MKRN2OS: variants seen among roughly 807,000 people sequenced by gnomAD.
MKRN2OS encodes MKRN2 opposite strand protein.
Under a neutral mutation model 18.2 loss-of-function variants are expected in MKRN2OS, and 17 were observed. That is an observed-to-expected ratio of 0.93 (90% confidence interval 0.64 to 1.40). MKRN2OS has a LOEUF of 1.40. Among genes scored for constraint, MKRN2OS ranks in the 40% most tolerant of loss-of-function variants. The pLI is 0.00. For synonymous variants in MKRN2OS, 121 were observed against 108.5 expected, an observed-to-expected ratio of 1.12 and a Z score of -0.72; for missense variants, 337 against 283.0, an observed-to-expected ratio of 1.19 and a Z score of -1.37.
chr3:12,558,692 C>T (rs965657675), intron 1 of MKRN2OS, among the ~76,000 whole-genome samples: 7 of 152,094 alleles, frequency 4.6e-5, no homozygotes, highest in African/African-American at 1.7e-4. Context: ...TGGTTTTTTC[C>T]TTGTATACCT....
downstream of MKRN2OS, among the ~76,000 whole-genome samples, chr3:12,552,169 A>C (rs565804285): frequency 4.0e-4 from 60 of 151,620 alleles, no homozygotes; most frequent in African/African-American, 1.4e-3. Flanking sequence ...AATACAAAAA[A>C]TTAGCTGGGC....
At chr3:12,559,707 A>G (rs919559763) in intron 1 of MKRN2OS, among the ~76,000 whole-genome samples, 2 of 152,134 alleles carry the variant, frequency 1.3e-5, no homozygotes, top group Admixed American at 1.3e-4. Flanking sequence ...ATTCCTTGAC[A>G]TGCCGCTCTA....
chr3:12,543,807 G>A lies in MKRN2OS; in HGVS notation c.219-578C>T, dbSNP rs564585038. ...CTCGGATGACTGAGACACGAGAATC[G>A]CTTGAACCTGGGAGGCGGAGGTGGC... On this transcript the variant is annotated intron_variant, in intron 1 of 3. Coordinates refer to ENST00000564146, the MANE Select transcript of MKRN2OS (RefSeq NM_001195279.2). Among the ~76,000 whole-genome samples, 5 of 151,132 alleles carry A rather than the reference G, an allele frequency of 3.3e-5. No homozygotes were observed. The East Asian group carries it at 5.9e-4, about 18-fold the overall frequency.
At chr3:12,543,275 C>CATG in intron 1 of MKRN2OS, 46 bp from the exon 2 acceptor site, 1 of 1,484,744 alleles carries the variant, frequency 6.7e-7, no homozygotes. Flanking sequence ...ATGTATTTGG[C>CATG]ATGAAGAATT....
intron 1 of MKRN2OS, among the ~76,000 whole-genome samples, chr3:12,555,122 C>T (rs1010476458): frequency 6.6e-6 from 1 of 152,066 alleles, no homozygotes; most frequent in African/African-American, 2.4e-5. Flanking sequence ...CCAGCCTGGG[C>T]AACAGGGTGA....
upstream of MKRN2OS, among the ~76,000 whole-genome samples, chr3:12,546,028 T>C (rs2057879649): frequency 6.6e-6 from 1 of 152,006 alleles, no homozygotes; most frequent in Admixed American, 6.6e-5. Flanking sequence ...AGGCTGGACT[T>C]GAAGAGGCCT....
rs1394277732 is a variant in MKRN2OS at position 12,543,247 on chromosome 3, T to G, written c.219-18A>C. 1 of 1,523,952 alleles carries G rather than the reference T, an allele frequency of 6.6e-7. No homozygotes were observed. The highest frequency in any genetic ancestry group is 2.1e-5 in the Admixed American group (1 of 48,422). 94.4% of individuals were successfully genotyped at this position (1,523,952 alleles called of 1,614,324 possible). On this transcript the variant is annotated intron_variant, in intron 1 of 3. Transcript: ENST00000564146. ...CATACTCTCTGAAAGAAACAAGGTT[T>G]GTTTTTTTTTGGTTTGCATGTATTT... is the stretch of plus-strand genomic sequence containing the variant.
intron 1 of MKRN2OS, 137 bp from the exon 2 acceptor site, chr3:12,543,366 C>A: frequency 1.6e-6 from 1 of 642,958 alleles, no homozygotes; most frequent in South Asian, 2.0e-5. Context: ...GCGGGCAGAT[C>A]ACTTGAGGCC....
chr3:12,550,690 G>A (rs868483583), downstream of MKRN2OS, among the ~76,000 whole-genome samples: 1 of 152,118 alleles, frequency 6.6e-6, no homozygotes, highest in Admixed American at 6.6e-5. Context: ...ACTTGCCTCA[G>A]TCTCTTTTTC....
upstream of MKRN2OS, among the ~76,000 whole-genome samples, chr3:12,548,502 G>A (rs2057905034): frequency 7.0e-6 from 1 of 143,700 alleles, no homozygotes; most frequent in African/African-American, 2.5e-5. Flanking sequence ...CGTGGTGGCA[G>A]ACATCTGTAG....
At chr3:12,543,649 G>T (rs988636031) in intron 1 of MKRN2OS, among the ~76,000 whole-genome samples, 1 of 152,076 alleles carries the variant, frequency 6.6e-6, no homozygotes, top group Non-Finnish European at 1.5e-5. Context: ...ACTTTGGGAG[G>T]CTGAGGTGGG....
In MKRN2OS at chr3:12,545,296, G is replaced by T; in HGVS notation, c.169C>A (p.Gln57Lys). 3.9e-6 allele frequency: 6 copies of T among 1,535,966 alleles called. No homozygotes were observed. The highest frequency in any genetic ancestry group is 4.4e-6 in the Non-Finnish European group (5 of 1,146,808). Residue 57 changes from glutamine (Q) to lysine (K), a missense_variant, in exon 1 of 4, where the codon CAA (glutamine) becomes AAA (lysine). Physicochemically the swap from Gln to Lys is moderately conservative, Grantham distance 53. Transcript: ENST00000564146. Reference protein sequence around the residue: ...SIANPFTNGHQEKCSFLLRPT... With the variant: ...SIANPFTNGHKEKCSFLLRPT... ...CTGAGGAGGAATGAACATTTTTCTT[G>T]ATGTCCATTAGTAAATGGATTAGCG...
chr3:12,550,640 G>A (rs1448152555), downstream of MKRN2OS, among the ~76,000 whole-genome samples: 1 of 152,056 alleles, frequency 6.6e-6, no homozygotes, highest in Admixed American at 6.6e-5. Context: ...TTTCATTCCT[G>A]CTCTGAAGCT....
downstream of MKRN2OS, among the ~76,000 whole-genome samples, chr3:12,553,525 T>TA (rs1311382140): frequency 6.6e-6 from 1 of 151,970 alleles, no homozygotes; most frequent in Non-Finnish European, 1.5e-5. Flanking sequence ...ATGGATAGCC[T>TA]AAAAAAATCT....
At chr3:12,545,518 A>T, upstream of MKRN2OS, 1 of 1,337,144 alleles carries the variant, frequency 7.5e-7, no homozygotes, top group Non-Finnish European at 1.0e-6. Flanking sequence ...CCTTTTCCTC[A>T]TTATACACCT....
chr3:12,540,519 C>T (rs760257503), intron 3 of MKRN2OS, 86 bp from the exon 4 acceptor site: 33 of 1,501,034 alleles, frequency 2.2e-5, no homozygotes, highest in Middle Eastern at 1.7e-4. Context: ...TAACTGAAAT[C>T]GGGTGCCTCA....
intron 1 of MKRN2OS, among the ~76,000 whole-genome samples, chr3:12,543,639 A>G (rs2057846611): frequency 6.6e-6 from 1 of 151,844 alleles, no homozygotes; most frequent in Non-Finnish European, 1.5e-5. Context: ...TAATCTCAGC[A>G]CTTTGGGAGG....
At chr3:12,545,572 C>T (rs2057875113), upstream of MKRN2OS, 1 of 834,004 alleles carries the variant, frequency 1.2e-6, no homozygotes, top group African/African-American at 1.7e-5. Flanking sequence ...ATGGTGATGT[C>T]ATCCTGACTG....
intron 1 of MKRN2OS, chr3:12,557,090 G>A: frequency 1.4e-6 from 2 of 1,477,294 alleles, no homozygotes; most frequent in Non-Finnish European, 1.8e-6. Context: ...CAGGGCCAAG[G>A]CCGAGGCGGC....
Sources: gnomAD v4.1 joint callset for allele counts (sites outside exome capture counted in the v4.1 genomes callset) on GRCh38, gnomAD v4.1.1 for gene constraint, MANE v1.5 for transcripts, NCBI Gene and HGNC (gene_info 2026-07-23, HGNC 2026-07-21) for gene names.